TANK: variants seen among roughly 807,000 people sequenced by gnomAD.
The protein encoded by TANK is TRAF family member associated NFKB activator.
A neutral mutation model predicts 43.6 loss-of-function variants in TANK; 15 were observed. The ratio of observed to expected loss-of-function variants is 0.34; its 90% CI spans 0.23 to 0.53. TANK has a LOEUF of 0.53. Among genes scored for constraint, TANK ranks in the 20% least tolerant of loss-of-function variants. The pLI, the probability that TANK is intolerant of heterozygous loss-of-function variation, is 0.94. For synonymous variants in TANK, 162 were observed against 178.2 expected (o/e 0.91, Z 0.73); for missense variants, 417 against 498.6 (o/e 0.84, Z 1.56).
At chr2:161,211,348 T>C (rs1371596820) in intron 4 of TANK, among the ~76,000 whole-genome samples, 1 of 152,142 alleles carries the variant, frequency 6.6e-6, no homozygotes, top group African/African-American at 2.4e-5. Context: ...TTCGTCTGAG[T>C]TTTGGGCCCC....
intron 1 of TANK, among the ~76,000 whole-genome samples, chr2:161,172,374 T>G (rs7568273): frequency 0.36 from 47,204 of 130,774 alleles, 6,337 homozygotes; most frequent in Admixed American, 0.47. Flanking sequence ...TTTTTTTTTT[T>G]GGGGGTAAAA....
chr2:161,161,214 T>C (rs1684417902), intron 1 of TANK: 6 of 1,527,942 alleles, frequency 3.9e-6, no homozygotes, highest in Non-Finnish European at 5.3e-6. Context: ...GCTGTGCCTT[T>C]ATTGTTATGC....
chr2:161,163,157 A>G (rs1684519514), intron 1 of TANK: 1 of 152,174 alleles, frequency 6.6e-6, no homozygotes, highest in African/African-American at 2.4e-5. Flanking sequence ...AGAACTGGGC[A>G]GAGTTCCTCT....
At chr2:161,209,349 C>T (rs923316210) in intron 4 of TANK, among the ~76,000 whole-genome samples, 3 of 152,102 alleles carry the variant, frequency 2.0e-5, no homozygotes, top group Admixed American at 1.3e-4. Context: ...TACAGAACAC[C>T]ATTTTCAGAC....
chr2:161,199,494 CTA>C (rs1231993410), intron 2 of TANK, among the ~76,000 whole-genome samples: 1 of 151,882 alleles, frequency 6.6e-6, no homozygotes, highest in Non-Finnish European at 1.5e-5. Flanking sequence ...TTATGGAACT[CTA>C]TTTTAATATT....
chr2:161,153,133 C>T (rs1412295642), intron 1 of TANK, among the ~76,000 whole-genome samples: 1 of 151,842 alleles, frequency 6.6e-6, no homozygotes, highest in African/African-American at 2.4e-5. Flanking sequence ...AATTAATTTT[C>T]CATTTGTTAT....
Position 161,207,251 on chromosome 2 carries a change from A to G in TANK, c.327+2458A>G, listed in dbSNP as rs577261372. On this transcript the variant is annotated intron_variant, in intron 4 of 7. Transcript: ENST00000392749. ...AGCCTGTGTGCAAAGAGTGAATAAT[A>G]TTACATCAATTATAACTATATTTTT... The G allele has an allele frequency of 3.1e-5, 8 of 261,456 alleles. No homozygotes were observed. In the East Asian group the frequency reaches 1.1e-3, roughly 35 times the overall value. The allele number at this position is 261,456 out of a possible 1,614,324, so 16.2% of individuals were successfully genotyped here. A position where few individuals can be genotyped will look rare whatever the true frequency, so the allele number is the denominator to read the frequency against.
At chr2:161,180,292 C>G (rs1573993355) in intron 2 of TANK, 6 of 218,964 alleles carry the variant, frequency 2.7e-5, no homozygotes, top group Non-Finnish European at 4.6e-5. Context: ...ACAATTATCC[C>G]TGTACACATA....
At chr2:161,166,806 C>CA (rs767086725) in intron 1 of TANK, among the ~76,000 whole-genome samples, 37 of 151,596 alleles carry the variant, frequency 2.4e-4, no homozygotes, top group Non-Finnish European at 4.7e-4. Context: ...AAAAAAAAAA[C>CA]AAAAAACAAA....
Position 161,165,533 on chromosome 2 carries a change from A to G in TANK, c.-50+5047A>G, listed in dbSNP as rs1038727040. The stretch of plus-strand genomic sequence containing the variant: ...TTTCCCTTGAGATTGTTGTTTCTCA[A>G]CCTTTAAAAATCCATATTTCCTTTC... On this transcript the variant is annotated intron_variant, in intron 1 of 7. Transcript: ENST00000392749. Among the ~76,000 whole-genome samples, 20 of 152,130 alleles carry G rather than the reference A, an allele frequency of 1.3e-4. No individual in the cohort carries two copies. The East Asian group carries it at 2.9e-3, about 22-fold the overall frequency.
intron 2 of TANK, among the ~76,000 whole-genome samples, chr2:161,191,625 G>C (rs1685917392): frequency 6.6e-6 from 1 of 152,140 alleles, no homozygotes; most frequent in African/African-American, 2.4e-5. Flanking sequence ...TAGCTACTAA[G>C]TTAGTAGAAT....
At chr2:161,156,509 A>T (rs1369527013), upstream of TANK, 2 of 393,970 alleles carry the variant, frequency 5.1e-6, no homozygotes, top group Non-Finnish European at 6.9e-6. Context: ...CAAAGTATTC[A>T]CTTTCTTTGT....
Position 161,231,398 on chromosome 2 carries a change from C to T in TANK, c.948C>T (p.Asn316=). Reference sequence around the variant, plus strand: ...AAACAAAGCCCTCAAATCTCGTAAACACTTGTATCAGGACAACTCTGGATA... The same window carrying T: ...AAACAAAGCCCTCAAATCTCGTAAATACTTGTATCAGGACAACTCTGGATA... ...TDKTKPSNLV[N]TCIRTTLDRA... is the part of the protein sequence containing the mutation. The change falls in exon 7 of 8, where the codon AAC becomes AAT. Residue 316 remains asparagine (N), a synonymous_variant. Transcript: ENST00000392749. 1 of 1,614,140 alleles carries T rather than the reference C, an allele frequency of 6.2e-7. No homozygotes were observed. The highest frequency in any genetic ancestry group is 8.5e-7 in the Non-Finnish European group (1 of 1,180,018).
chr2:161,159,518 G>A (rs1217806352), upstream of TANK, among the ~76,000 whole-genome samples: 1 of 152,144 alleles, frequency 6.6e-6, no homozygotes, highest in African/African-American at 2.4e-5. Context: ...TAAAAACATT[G>A]TTTCAAATAT....
At chr2:161,185,871 T>A (rs1028971072) in intron 2 of TANK, among the ~76,000 whole-genome samples, 48 of 151,570 alleles carry the variant, frequency 3.2e-4, no homozygotes, top group African/African-American at 8.7e-4. Context: ...ATAAAAAAAA[T>A]AATAATAATT....
At chr2:161,191,585 G>A (rs1685916044) in intron 2 of TANK, among the ~76,000 whole-genome samples, 1 of 152,086 alleles carries the variant, frequency 6.6e-6, no homozygotes, top group Non-Finnish European at 1.5e-5. Flanking sequence ...AATGAAGTGA[G>A]AGAGATGAAG....
chr2:161,217,549 G>A (rs1687168612), intron 4 of TANK, among the ~76,000 whole-genome samples: 2 of 149,928 alleles, frequency 1.3e-5, no homozygotes, highest in East Asian at 3.9e-4. Flanking sequence ...TCCAATATAT[G>A]CAAAGTTCAG....
chr2:161,211,542 G>A (rs189064124), intron 4 of TANK, among the ~76,000 whole-genome samples: 11 of 152,270 alleles, frequency 7.2e-5, no homozygotes, highest in Admixed American at 1.3e-4. Context: ...AAATTAGGCC[G>A]TTAGTCAACA....
chr2:161,205,968 CAT>C (rs781237841), intron 4 of TANK, among the ~76,000 whole-genome samples: 13 of 151,964 alleles, frequency 8.6e-5, no homozygotes, highest in Non-Finnish European at 1.5e-4. Context: ...GTTTTTAAAA[CAT>C]AACATTAATG....
Sources: gnomAD v4.1 joint callset for allele counts (sites outside exome capture counted in the v4.1 genomes callset) on GRCh38, gnomAD v4.1.1 for gene constraint, MANE v1.5 for transcripts, NCBI Gene and HGNC (gene_info 2026-07-23, HGNC 2026-07-21) for gene names.